Variants in SPTBN5 observed in about 807,000 individuals in gnomAD.
SPTBN5 encodes the protein spectrin beta chain, non-erythrocytic 5.
In SPTBN5, 513 loss-of-function variants were observed where a neutral mutation model predicts 477.6. The ratio of observed to expected loss-of-function variants is 1.07; its 90% CI spans 1.00 to 1.16. The LOEUF is 1.16. SPTBN5 is among the 50% of genes most tolerant of loss of function. The pLI is 0.00. For synonymous variants in SPTBN5, 2,169 were observed against 2,011.7 expected (o/e 1.08, Z -2.09); for missense variants, 5,062 against 4,731.8 (o/e 1.07, Z -2.05).
rs1318967831 is a variant in SPTBN5, at chr15:41,890,126, A to G, written c.464T>C (p.Ile155Thr). The G allele has an allele frequency of 6.2e-7, 1 of 1,613,218 alleles. No homozygotes were observed. Among genetic ancestry groups the G allele is most frequent in the Non-Finnish European group, 8.5e-7 (1 of 1,179,630 alleles). ...TLILGLIWVI[I>T]LRFQISHISL... Reference sequence around the variant, plus strand: ...GATGTGGGAGATCTGGAAACGCAGAATGATGACCCAGATGAGTCCCAGGAT... The same window carrying G: ...GATGTGGGAGATCTGGAAACGCAGAGTGATGACCCAGATGAGTCCCAGGAT... The change falls in exon 4 of 68, where the codon ATT becomes ACT. Residue 155 changes from isoleucine (I) to threonine (T), a missense_variant. Transcript: ENST00000320955.
In SPTBN5 at chr15:41,870,248, G is replaced by A. The variant is rs766132561; in HGVS notation, c.5668C>T (p.Arg1890Trp). The change falls in exon 31 of 68, where the codon CGG becomes TGG. Residue 1890 changes from arginine to tryptophan, a missense_variant. Physicochemically the swap from Arg to Trp is moderately radical, Grantham distance 101. Coordinates refer to ENST00000320955, the MANE Select transcript of SPTBN5 (RefSeq NM_016642.4). ...AGGCAGCCAGCTGGGCTCACCTGCC[G>A]CTCGGTGCCCACGAGTTCTCGCTCC... ...GLERELVGTE[R>W]QLQELLETAG... is the part of the protein sequence containing the mutation. 742 of 1,549,170 alleles carry A rather than the reference G, an allele frequency of 4.8e-4. No homozygotes were observed. Among genetic ancestry groups the A allele is most frequent in the Non-Finnish European group, 6.0e-4 (683 of 1,146,856 alleles).
chr15:41,877,186 C>G lies in SPTBN5; in HGVS notation c.3641G>C (p.Gly1214Ala), dbSNP rs2066769174. 2 of 1,614,004 alleles carry G rather than the reference C, an allele frequency of 1.2e-6. No individual in the cohort carries two copies. The highest frequency in any genetic ancestry group is 8.5e-7 in the Non-Finnish European group (1 of 1,179,898). ...LQEGLELQKFGREVDGFTATC... is the reference protein window; with the variant it reads ...LQEGLELQKFAREVDGFTATC... ...GGCAGTGAAACCATCCACTTCTCGG[C>G]CAAACTTCTGCAGCTCCAGCCCCTC... Residue 1214 changes from glycine to alanine, a missense_variant, in exon 18 of 68, where the codon GGC becomes GCC. Gly to Ala is a moderately conservative substitution (Grantham distance 60). Transcript: ENST00000320955.
Position 41,870,569 on chromosome 15 carries a change from G to A in SPTBN5, c.5448-9C>T, listed in dbSNP as rs778212541. On this transcript the variant is annotated splice_polypyrimidine_tract_variant and intron_variant, in intron 29 of 67. Coordinates refer to ENST00000320955, the MANE Select transcript of SPTBN5 (RefSeq NM_016642.4). ...GCTCCGACCAGGCGGTCCTGCCCAC[G>A]GCGTGTGGAAGACCAGCCGGGGATC... 7.5e-6 allele frequency: 12 copies of A among 1,602,782 alleles called. No individual in the cohort carries two copies. The highest frequency in any genetic ancestry group is 1.7e-5 in the Admixed American group (1 of 59,816).
chr15:41,862,274 G>A lies in SPTBN5; in HGVS notation c.7404C>T (p.Ala2468=). The A allele has an allele frequency of 6.2e-7, 1 of 1,605,588 alleles. No individual in the cohort carries two copies. Among genetic ancestry groups the A allele is most frequent in the South Asian group, 1.1e-5 (1 of 90,316 alleles). ...RAQKRREALD[A]LHQAQKLQAM... is the part of the protein sequence containing the mutation. ...CCTGGAGTTTCTGAGCTTGGTGCAAGGCATCCAGCGCCTCCCTCCTGCCCA... is the reference window on the plus strand; with the variant it reads ...CCTGGAGTTTCTGAGCTTGGTGCAAAGCATCCAGCGCCTCCCTCCTGCCCA... The change falls in exon 44 of 68, where the codon GCC becomes GCT. Residue 2468 remains alanine (A), a synonymous_variant. Coordinates refer to ENST00000320955, the MANE Select transcript of SPTBN5 (RefSeq NM_016642.4).
In SPTBN5 at chr15:41,857,239, T is replaced by G; in HGVS notation, c.8620A>C (p.Arg2874=). The G allele has an allele frequency of 1.3e-6, 2 of 1,585,092 alleles. No homozygotes were observed. The highest frequency in any genetic ancestry group is 1.7e-6 in the Non-Finnish European group (2 of 1,164,370). Reference sequence around the variant, plus strand: ...AGCTGAGGGCACGGGTGGATCTACCTCTGAAGCAGCCGCCGGGCCTGCTCT... The same window carrying G: ...AGCTGAGGGCACGGGTGGATCTACCGCTGAAGCAGCCGCCGGGCCTGCTCT... ...VEEQARRLLQ[R]FKSLREPLQE... The change falls in exon 51 of 68, where the codon AGG becomes CGG. Residue 2874 remains arginine (R), a splice_region_variant and synonymous_variant. Transcript: ENST00000320955.
rs556268458 is a variant in SPTBN5, at chr15:41,882,338, C to T, written c.2178G>A (p.Gly726=). The change falls in exon 11 of 68, where the codon GGG becomes GGA. Residue 726 remains glycine, a synonymous_variant. Transcript: ENST00000320955. The part of the protein sequence containing the change: ...PGERAEAVQG[G]WQLLQTRVVG... ...CCACCCGGGTCTGGAGCAGCTGCCA[C>T]CCTCCCTGAACGGCCTCTGCCCGTT... The T allele has an allele frequency of 2.7e-5, 42 of 1,534,776 alleles. No individual in the cohort carries two copies. The East Asian group carries it at 9.6e-4, about 35-fold the overall frequency.
rs375654691 is a variant in SPTBN5, at chr15:41,887,282, G to A, written c.819C>T (p.Tyr273=). 534 of 1,551,346 alleles carry A rather than the reference G, an allele frequency of 3.4e-4. 1 individual carries two copies. In the African/African-American group the frequency reaches 6.4e-3, roughly 19 times the overall value. Reference sequence around the variant, plus strand: ...AGCAGTAGTGGTAGTAGAGGGAGACGTAGGTCATGATAGAGCGCTCATCTG... The same window carrying A: ...AGCAGTAGTGGTAGTAGAGGGAGACATAGGTCATGATAGAGCGCTCATCTG... ...AQPDERSIMT[Y]VSLYYHYCSR... Residue 273 remains tyrosine (Y), a synonymous_variant, in exon 6 of 68, where the codon TAC becomes TAT. Transcript: ENST00000320955.
At position 41,881,082 on chromosome 15, in the gene SPTBN5, T is replaced by G. The variant is rs763250964; in HGVS notation, c.2610A>C (p.Thr870=). The change falls in exon 13 of 68, where the codon ACA becomes ACC. Residue 870 remains threonine, a synonymous_variant. Coordinates refer to ENST00000320955, the MANE Select transcript of SPTBN5 (RefSeq NM_016642.4). ...PDFDPNTILQ[T]QDHLSQDYES... ...CATAGTCCTGACTCAAGTGGTCCTGTGTCTGGAGTATAGTGTTGGGATCAA... is the reference window on the plus strand; with the variant it reads ...CATAGTCCTGACTCAAGTGGTCCTGGGTCTGGAGTATAGTGTTGGGATCAA... 2.5e-6 allele frequency: 4 copies of G among 1,609,742 alleles called. No individual in the cohort carries two copies. Among genetic ancestry groups the G allele is most frequent in the Non-Finnish European group, 3.4e-6 (4 of 1,178,068 alleles).
intron 47 of SPTBN5, among the ~76,000 whole-genome samples, chr15:41,860,298 G>A (rs764721540): frequency 2.6e-5 from 4 of 152,232 alleles, no homozygotes; most frequent in Non-Finnish European, 5.9e-5. Flanking sequence ...CTTCCGTTTC[G>A]TGAGATGATT....
intron 14 of SPTBN5, 102 bp downstream of exon 14, chr15:41,880,058 C>G (rs1305515918): frequency 6.9e-7 from 1 of 1,452,696 alleles, no homozygotes; most frequent in Non-Finnish European, 9.2e-7. Context: ...CTCCCCTCCC[C>G]CAGGCAGGAC....
intron 29 of SPTBN5, 78 bp downstream of exon 29, chr15:41,871,297 C>T (rs2066525060): frequency 3.0e-6 from 4 of 1,324,246 alleles, no homozygotes; most frequent in Non-Finnish European, 3.9e-6. Context: ...GCATGCCATC[C>T]TCTCTTACCA....
In SPTBN5 at chr15:41,861,932, G is replaced by A; in HGVS notation, c.7549-9C>T. On this transcript the variant is annotated splice_polypyrimidine_tract_variant and intron_variant, in intron 44 of 67. Transcript: ENST00000320955. Reference sequence around the variant, plus strand: ...CAGGAGTCCAGCTCGGCCTGGAACAGGACTGGGCTCAGATCACTGGGGGCT... The same window carrying A: ...CAGGAGTCCAGCTCGGCCTGGAACAAGACTGGGCTCAGATCACTGGGGGCT... 1 of 1,595,466 alleles carries A rather than the reference G, an allele frequency of 6.3e-7. No homozygotes were observed. Among genetic ancestry groups the A allele is most frequent in the South Asian group, 1.1e-5 (1 of 88,796 alleles).
Position 41,870,525 on chromosome 15 carries a change from G to A in SPTBN5, c.5483C>T (p.Ala1828Val). 2.5e-6 allele frequency: 4 copies of A among 1,611,534 alleles called. No individual in the cohort carries two copies. Among genetic ancestry groups the A allele is most frequent in the South Asian group, 2.2e-5 (2 of 91,072 alleles). The change falls in exon 30 of 68, where the codon GCC becomes GTC. Residue 1828 changes from alanine (A) to valine (V), a missense_variant. Physicochemically the swap from Ala to Val is moderately conservative, Grantham distance 64. Transcript: ENST00000320955. ...AWSELWELTQ[A>V]RGHALRDTET... ...GGTGTCTCGGAGCGCGTGGCCTCGG[G>A]CCTGGGTCAGCTCCCACAGCTCCGA... is the stretch of plus-strand genomic sequence containing the variant.
intron 14 of SPTBN5, 25 bp from the exon 15 acceptor site, chr15:41,879,889 T>C: frequency 2.5e-6 from 4 of 1,613,176 alleles, no homozygotes; most frequent in Non-Finnish European, 3.4e-6. Context: ...GACCCAGCCC[T>C]CTTGGGGGAC....
At chr15:41,851,582 G>GGCGC (rs1449514409) in intron 63 of SPTBN5, among the ~76,000 whole-genome samples, 197 bp downstream of exon 63, 3 of 9,760 alleles carry the variant, frequency 3.1e-4, no homozygotes, top group Non-Finnish European at 1.6e-3. Context: ...AGCACCTCCT[G>GGCGC]GTGGGGGTGG....
intron 35 of SPTBN5, 32 bp downstream of exon 35, chr15:41,867,506 C>CT (rs1265223961): frequency 6.2e-7 from 1 of 1,603,652 alleles, no homozygotes; most frequent in African/African-American, 1.3e-5. Context: ...CCACCACACT[C>CT]TGACCACGCC....
At chr15:41,893,657 G>A in intron 1 of SPTBN5, 111 bp from the exon 2 acceptor site, 2 of 1,346,776 alleles carry the variant, frequency 1.5e-6, no homozygotes, top group Middle Eastern at 2.7e-4. Context: ...GTTGCAGCTT[G>A]GAGCCCAGCC....
chr15:41,887,151 T>G (rs1374295248), intron 6 of SPTBN5, 62 bp downstream of exon 6: 2 of 1,465,836 alleles, frequency 1.4e-6, no homozygotes, highest in Non-Finnish European at 1.9e-6. Flanking sequence ...AGGGCAGGCT[T>G]CACGCTTAGG....
Position 41,877,110 on chromosome 15 carries a change from C to T in SPTBN5, c.3711+6G>A. The stretch of plus-strand genomic sequence containing the variant: ...GACAGCCTAGCTCCACATTCCTGCT[C>T]CATACCCCAAGGTTGTCCAGGTGCA... On this transcript the variant is annotated splice_donor_region_variant and intron_variant, in intron 18 of 67. Coordinates refer to ENST00000320955, the MANE Select transcript of SPTBN5 (RefSeq NM_016642.4). 1 of 1,613,734 alleles carries T rather than the reference C, an allele frequency of 6.2e-7. No homozygotes were observed.
Sources: gnomAD v4.1 joint callset for allele counts (sites outside exome capture counted in the v4.1 genomes callset) on GRCh38, gnomAD v4.1.1 for gene constraint, MANE v1.5 for transcripts, NCBI Gene and HGNC (gene_info 2026-07-23, HGNC 2026-07-21) for gene names.